Variants in ARK2C observed in about 807,000 individuals in gnomAD.
ARK2C encodes E3 ubiquitin-protein ligase ARK2C.
At chr18:46,422,351 G>A in the ARK2C span, among the ~76,000 whole-genome samples, 7 of 152,178 alleles carry the variant, frequency 4.6e-5, no homozygotes, top group African/African-American at 1.2e-4. Context: ...CATGAAATCC[G>A]AATTTCTCCC....
chr18:46,438,803 G>A, the ARK2C span, among the ~76,000 whole-genome samples: 3 of 152,226 alleles, frequency 2.0e-5, no homozygotes, highest in Non-Finnish European at 4.4e-5. Context: ...CTGTTCCAGG[G>A]ATTCGGGCTG....
At chr18:46,354,687 G>T in the ARK2C span, among the ~76,000 whole-genome samples, 2 of 152,166 alleles carry the variant, frequency 1.3e-5, no homozygotes, top group East Asian at 3.9e-4. Flanking sequence ...ACTGGGATGC[G>T]CCTTATAAAT....
At chr18:46,456,695 C>T in the ARK2C span, 2 of 1,215,284 alleles carry the variant, frequency 1.6e-6, no homozygotes, top group Non-Finnish European at 2.4e-6. Flanking sequence ...ACGGCCATAG[C>T]CCTTGCAGCC....
the ARK2C span, among the ~76,000 whole-genome samples, chr18:46,368,459 C>T: frequency 5.3e-5 from 8 of 152,196 alleles, no homozygotes; most frequent in African/African-American, 1.9e-4. Flanking sequence ...GGCAGAAGCT[C>T]ATGAGTACCC....
chr18:46,422,238 C>A, the ARK2C span, among the ~76,000 whole-genome samples: 1 of 152,172 alleles, frequency 6.6e-6, no homozygotes, highest in Non-Finnish European at 1.5e-5. Flanking sequence ...TCAGTTCTGC[C>A]GTTCAAGGTT....
At chr18:46,349,471 G>T in the ARK2C span, among the ~76,000 whole-genome samples, 2 of 152,108 alleles carry the variant, frequency 1.3e-5, no homozygotes, top group Non-Finnish European at 2.9e-5. Flanking sequence ...ATCATCTTGG[G>T]GGTTAAGATT....
the ARK2C span, chr18:46,458,590 C>G: frequency 1.3e-5 from 2 of 152,678 alleles, no homozygotes; most frequent in African/African-American, 4.8e-5. Flanking sequence ...GTAAAAGTAA[C>G]AGGCGGGCAG....
At chr18:46,397,947 G>A in the ARK2C span, among the ~76,000 whole-genome samples, 1 of 148,904 alleles carries the variant, frequency 6.7e-6, no homozygotes, top group Admixed American at 6.7e-5. Context: ...GTGCGAGGGT[G>A]TGTGTGCATG....
chr18:46,334,341 G>A, the ARK2C span: 7 of 1,582,598 alleles, frequency 4.4e-6, no homozygotes, highest in East Asian at 9.7e-5. The surrounding 1 kb of genome is among the most constrained non-coding windows in gnomAD (Gnocchi z 4.4). Context: ...CAGAGGTATC[G>A]CTTTTTCCTT....
At chr18:46,456,630 C>T in the ARK2C span, 1 of 1,609,982 alleles carries the variant, frequency 6.2e-7, no homozygotes, top group Non-Finnish European at 8.5e-7. Flanking sequence ...TGGGAGCCGA[C>T]AGCTGAGGGA....
At chr18:46,359,848 G>A in the ARK2C span, among the ~76,000 whole-genome samples, 2 of 152,196 alleles carry the variant, frequency 1.3e-5, no homozygotes, top group East Asian at 3.9e-4. Context: ...GGATGGGAGT[G>A]CCTTATGAAA....
chr18:46,339,457 C>T, the ARK2C span, among the ~76,000 whole-genome samples: 7 of 152,182 alleles, frequency 4.6e-5, no homozygotes, highest in Non-Finnish European at 1.0e-4. Flanking sequence ...TAATGTTTGA[C>T]CCAGATTGTC....
the ARK2C span, among the ~76,000 whole-genome samples, chr18:46,409,577 A>AACCAGAGTGGAAGTTGTGGTGCAG: frequency 1.8e-3 from 268 of 152,288 alleles, 1 homozygote; most frequent in Admixed American, 3.9e-3. Flanking sequence ...GGCCACATCT[A>AACCAGAGTGGAAGTTGTGGTGCAG]ACCAGAGTGG....
chr18:46,349,984 A>C, the ARK2C span, among the ~76,000 whole-genome samples: 2 of 152,238 alleles, frequency 1.3e-5, no homozygotes, highest in African/African-American at 4.8e-5. Flanking sequence ...TATCTGTATT[A>C]GATGAGAATA....
chr18:46,400,219 C>T, the ARK2C span, among the ~76,000 whole-genome samples: 2 of 152,158 alleles, frequency 1.3e-5, no homozygotes, highest in Non-Finnish European at 2.9e-5. Context: ...GGGCTCTGCT[C>T]CTATACCCTC....
At chr18:46,340,825 C>T in the ARK2C span, among the ~76,000 whole-genome samples, 1 of 152,200 alleles carries the variant, frequency 6.6e-6, no homozygotes, top group African/African-American at 2.4e-5. Flanking sequence ...TAGGTGTTTG[C>T]TAGCCAGAGG....
At chr18:46,363,982 C>T in the ARK2C span, among the ~76,000 whole-genome samples, 600 of 135,120 alleles carry the variant, frequency 4.4e-3, 4 homozygotes, top group Non-Finnish European at 6.3e-3. Flanking sequence ...GAGTCTCTCT[C>T]TGCCCCCCAG....
the ARK2C span, chr18:46,462,242 GA>G: frequency 6.5e-6 from 1 of 152,756 alleles, no homozygotes; most frequent in Non-Finnish European, 1.5e-5. Flanking sequence ...GCCTCTGAGC[GA>G]AAAGGAGAGA....
At chr18:46,386,864 G>A in the ARK2C span, 1 of 152,162 alleles carries the variant, frequency 6.6e-6, no homozygotes, top group Admixed American at 6.5e-5. Flanking sequence ...GCCATTTTGG[G>A]AGTCCCCCAC....
Sources: gnomAD v4.1 joint callset for allele counts (sites outside exome capture counted in the v4.1 genomes callset) on GRCh38, gnomAD v4.1.1 for gene constraint, Gnocchi (gnomAD v3.1) non-coding constraint, MANE v1.5 for transcripts, NCBI Gene and HGNC (gene_info 2026-07-23, HGNC 2026-07-21) for gene names.